FAM20B: variants seen among roughly 807,000 people sequenced by gnomAD.
The protein encoded by FAM20B is glycosaminoglycan xylosylkinase.
A neutral mutation model predicts 43.8 loss-of-function variants in FAM20B; 23 were observed. The observed-to-expected ratio is 0.53, with a 90% CI of 0.38 to 0.74. The LOEUF (loss-of-function observed/expected upper bound fraction) is 0.74. Among genes scored for constraint, FAM20B ranks in the 30% least tolerant of loss-of-function variants. The pLI is 0.00. For missense variants in FAM20B, 440 were observed against 510.5 expected (o/e 0.86, Z 1.33); for synonymous variants, 178 against 192.4 (o/e 0.93, Z 0.62).
rs866767090 is a variant in FAM20B, at chr1:179,040,519, C to T, written c.-133-3196C>T. 1.8e-4 allele frequency among the ~76,000 whole-genome samples: 25 copies of T among 135,466 alleles called. 1 individual carries two copies. Among genetic ancestry groups the T allele is most frequent in the African/African-American group, 6.4e-4 (22 of 34,374 alleles). The allele number at this position is 135,466 out of a possible 152,430, so 88.9% of individuals were successfully genotyped here. On this transcript the variant is annotated intron_variant, in intron 1 of 7. Coordinates refer to ENST00000263733, the MANE Select transcript of FAM20B (RefSeq NM_014864.4). ...CCCCCCACCTCCCTCCCGGACGGGG[C>T]GGCTGGCCGGGCGGGGGGCTGACCC...
chr1:179,040,514 C>T (rs1288015293), intron 1 of FAM20B, among the ~76,000 whole-genome samples: 4 of 144,426 alleles, frequency 2.8e-5, no homozygotes, highest in African/African-American at 5.3e-5. Flanking sequence ...CCCTCCCGGA[C>T]GGGGCGGCTG....
chr1:179,018,369 C>A, the FAM20B span, among the ~76,000 whole-genome samples: 1 of 152,236 alleles, frequency 6.6e-6, no homozygotes, highest in Admixed American at 6.5e-5. Flanking sequence ...TACAATGGTA[C>A]AATCTCAGCT....
chr1:179,054,959 G>C (rs1019853977), intron 4 of FAM20B, among the ~76,000 whole-genome samples: 1 of 152,114 alleles, frequency 6.6e-6, no homozygotes, highest in African/African-American at 2.4e-5. Flanking sequence ...GGCCTAAATT[G>C]GTTATTGTTT....
upstream of FAM20B, among the ~76,000 whole-genome samples, chr1:179,021,333 G>A (rs116515697): frequency 0.014 from 2,122 of 152,242 alleles, 62 homozygotes; most frequent in African/African-American, 0.048. Flanking sequence ...AAAAATGTGT[G>A]TTAAATACCA....
intron 2 of FAM20B, among the ~76,000 whole-genome samples, chr1:179,047,939 A>G (rs2102502721): frequency 6.6e-6 from 1 of 152,304 alleles, no homozygotes. Flanking sequence ...CTTTCTCTGA[A>G]AGCCACTTGT....
chr1:179,038,292 T>C (rs1409338440), intron 1 of FAM20B, among the ~76,000 whole-genome samples: 1 of 151,542 alleles, frequency 6.6e-6, no homozygotes, highest in Non-Finnish European at 1.5e-5. Context: ...ATGCCTGTAA[T>C]CCCAGCTACT....
intron 2 of FAM20B, 40 bp downstream of exon 2, chr1:179,044,264 G>T: frequency 6.5e-7 from 1 of 1,548,724 alleles, no homozygotes; most frequent in South Asian, 1.2e-5. Context: ...CTAGTTGGTT[G>T]ATTCATTTAA....
intron 1 of FAM20B, among the ~76,000 whole-genome samples, chr1:179,041,475 A>G (rs1257982804): frequency 3.3e-5 from 5 of 152,204 alleles, no homozygotes; most frequent in South Asian, 4.1e-4. Flanking sequence ...CCAACACGGC[A>G]AAACCCCGTC....
At chr1:179,068,381 G>A (rs934970604) in intron 7 of FAM20B, among the ~76,000 whole-genome samples, 1 of 152,104 alleles carries the variant, frequency 6.6e-6, no homozygotes, top group African/African-American at 2.4e-5. Context: ...TTATCAGTCT[G>A]GTTCAATCAG....
intron 3 of FAM20B, among the ~76,000 whole-genome samples, chr1:179,053,075 A>G (rs1311260255): frequency 1.3e-5 from 2 of 152,228 alleles, no homozygotes; most frequent in Admixed American, 6.5e-5. Flanking sequence ...ATGTTAACTA[A>G]CTATAATGTT....
At chr1:179,047,285 C>T (rs1339220923) in intron 2 of FAM20B, among the ~76,000 whole-genome samples, 1 of 152,132 alleles carries the variant, frequency 6.6e-6, no homozygotes, top group African/African-American at 2.4e-5. Context: ...CTCCCTCCTC[C>T]AGACCATCCT....
intron 1 of FAM20B, among the ~76,000 whole-genome samples, chr1:179,033,245 G>A (rs1650081256): frequency 6.6e-6 from 1 of 152,226 alleles, no homozygotes; most frequent in Non-Finnish European, 1.5e-5. Context: ...CTCTGCATAA[G>A]TCTAAGTAGG....
intron 6 of FAM20B, among the ~76,000 whole-genome samples, chr1:179,065,200 G>A (rs914370729): frequency 6.6e-6 from 1 of 151,574 alleles, no homozygotes; most frequent in East Asian, 1.9e-4. Context: ...GCCCAGGCTG[G>A]AGTGCAGTGG....
chr1:179,041,319 G>C (rs1057245836), intron 1 of FAM20B, among the ~76,000 whole-genome samples: 3 of 152,310 alleles, frequency 2.0e-5, no homozygotes, highest in South Asian at 4.1e-4. Context: ...GGGAGGTGGA[G>C]GTTGTAGCGA....
intron 3 of FAM20B, among the ~76,000 whole-genome samples, chr1:179,054,068 TTTA>T: frequency 6.6e-6 from 1 of 152,178 alleles, no homozygotes; most frequent in Non-Finnish European, 1.5e-5. Context: ...TGTCTCTATA[TTTA>T]ATTTGCTCTG....
chr1:179,032,694 ATATC>A (rs1251450844), intron 1 of FAM20B, among the ~76,000 whole-genome samples: 1 of 152,184 alleles, frequency 6.6e-6, no homozygotes, highest in Non-Finnish European at 1.5e-5. Flanking sequence ...AGAAGAAAAA[ATATC>A]TATAGATACT....
At chr1:179,026,414 A>C (rs1649779549) in intron 1 of FAM20B, among the ~76,000 whole-genome samples, 1 of 151,810 alleles carries the variant, frequency 6.6e-6, no homozygotes, top group Non-Finnish European at 1.5e-5. Context: ...GCGCGGGCCC[A>C]CCTGGGGCCG....
rs12755539 is a variant in FAM20B at position 179,050,384 on chromosome 1, G to T, written c.464+19G>T. 9.0e-3 allele frequency: 14,292 copies of T among 1,592,962 alleles called. 89 individuals carry two copies. The highest frequency in any genetic ancestry group is 9.5e-3 in the Non-Finnish European group (10,998 of 1,160,938). On this transcript the variant is annotated intron_variant, in intron 3 of 7. Coordinates refer to ENST00000263733, the MANE Select transcript of FAM20B (RefSeq NM_014864.4). Reference sequence around the variant, plus strand: ...TGGACAGGTGCGTATGATCACAGCAGCTTATGTTCATTTTGTTTGCTTTCA... The same window carrying T: ...TGGACAGGTGCGTATGATCACAGCATCTTATGTTCATTTTGTTTGCTTTCA...
chr1:179,032,779 A>C (rs1650066200), intron 1 of FAM20B, among the ~76,000 whole-genome samples: 1 of 152,226 alleles, frequency 6.6e-6, no homozygotes, highest in Admixed American at 6.5e-5. Flanking sequence ...GAAAGGAAGA[A>C]TAGCATGCTG....
Sources: allele counts gnomAD v4.1 joint callset (sites outside exome capture counted in the v4.1 genomes callset), GRCh38; gene constraint gnomAD v4.1.1; transcripts MANE v1.5; gene names NCBI Gene and HGNC (gene_info 2026-07-23, HGNC 2026-07-21).